CLEC4A: variants seen among roughly 807,000 people sequenced by gnomAD.
CLEC4A encodes C-type lectin domain family 4 member A.
Under a neutral mutation model 32.7 loss-of-function variants are expected in CLEC4A, and 27 were observed. The observed-to-expected ratio is 0.83, with a 90% CI of 0.61 to 1.14. The LOEUF (loss-of-function observed/expected upper bound fraction) is 1.14. Among genes scored for constraint, CLEC4A ranks in the 50% most tolerant of loss-of-function variants. The pLI, the probability that CLEC4A is intolerant of heterozygous loss-of-function variation, is 0.00. For synonymous variants in CLEC4A, 89 were observed against 93.7 expected (o/e 0.95, Z 0.29); for missense variants, 253 against 274.6 (o/e 0.92, Z 0.55).
chr12:8,137,438 C>T (rs1337877998), intron 5 of CLEC4A, among the ~76,000 whole-genome samples: 3 of 152,034 alleles, frequency 2.0e-5, no homozygotes, highest in Non-Finnish European at 4.4e-5. Context: ...GCCACCACAC[C>T]CAGTCAGGCT....
At chr12:8,137,720 T>C (rs1948148353) in intron 5 of CLEC4A, among the ~76,000 whole-genome samples, 1 of 152,026 alleles carries the variant, frequency 6.6e-6, no homozygotes, top group Admixed American at 6.6e-5. Context: ...AAGTAGAAGA[T>C]TCAAAAGATT....
chr12:8,136,961 G>A, intron 5 of CLEC4A, 58 bp downstream of exon 5: 1 of 1,136,432 alleles, frequency 8.8e-7, no homozygotes, highest in Non-Finnish European at 1.3e-6. Flanking sequence ...AGAGCTTAGG[G>A]TATTCTAGCT....
the CLEC4A span, among the ~76,000 whole-genome samples, chr12:8,116,308 C>T: frequency 6.6e-6 from 1 of 151,970 alleles, no homozygotes; most frequent in Non-Finnish European, 1.5e-5. Context: ...CACTATGTTG[C>T]CCAGGCTGGT....
chr12:8,133,281 C>T (rs1416073600), intron 3 of CLEC4A, among the ~76,000 whole-genome samples: 1 of 151,870 alleles, frequency 6.6e-6, no homozygotes, highest in Non-Finnish European at 1.5e-5. Flanking sequence ...GAACTCCCGA[C>T]CACAGGTGAT....
At chr12:8,137,849 C>T (rs953338405) in intron 5 of CLEC4A, among the ~76,000 whole-genome samples, 1 of 152,046 alleles carries the variant, frequency 6.6e-6, no homozygotes, top group Admixed American at 6.6e-5. Context: ...TTGATGGACC[C>T]ATAGGAACAG....
chr12:8,134,869 C>T (rs1388561525), intron 3 of CLEC4A: 5 of 1,514,780 alleles, frequency 3.3e-6, no homozygotes, highest in Non-Finnish European at 4.4e-6. Flanking sequence ...GAAGGCGCCC[C>T]AAGCATGGTG....
chr12:8,138,318 A>G lies in CLEC4A; in HGVS notation c.*31A>G, dbSNP rs1408100353. ...ACATTCTCCATGAACAGGTGGTTGGATTGGTATCTGTCATTGTAGGGATAG... is the reference window on the plus strand; with the variant it reads ...ACATTCTCCATGAACAGGTGGTTGGGTTGGTATCTGTCATTGTAGGGATAG... On this transcript the variant is annotated 3_prime_UTR_variant, in exon 6 of 6. Coordinates refer to ENST00000229332, the MANE Select transcript of CLEC4A (RefSeq NM_016184.4). 1.2e-6 allele frequency: 2 copies of G among 1,613,150 alleles called. No homozygotes were observed. The highest frequency in any genetic ancestry group is 1.7e-6 in the Non-Finnish European group (2 of 1,179,328).
the CLEC4A span, among the ~76,000 whole-genome samples, chr12:8,105,401 G>A: frequency 1.3e-5 from 2 of 150,970 alleles, no homozygotes; most frequent in Non-Finnish European, 2.9e-5. Context: ...CCAGGCTGGA[G>A]TGCAATGGCA....
Position 8,134,979 on chromosome 12 carries a change from G to GTTTGTT in CLEC4A, c.299-603_299-602insGTTTTT, listed in dbSNP as rs1948073595. 2.0e-4 allele frequency: 33 copies of GTTTGTT among 165,964 alleles called. 1 individual carries two copies. Among genetic ancestry groups the GTTTGTT allele is most frequent in the African/African-American group, 2.9e-4 (4 of 13,812 alleles). The allele number at this position is 165,964 out of a possible 1,614,324, so 10.3% of individuals were successfully genotyped here. On this transcript the variant is annotated intron_variant, in intron 3 of 5. Coordinates refer to ENST00000229332, the MANE Select transcript of CLEC4A (RefSeq NM_016184.4). ...TGTATCTTCTTGTTGAAGCGTTTTT[G>GTTTGTT]TTTTTTGTTTTTTTTTAATCATGGC...
intron 1 of CLEC4A, 152 bp downstream of exon 1, chr12:8,124,112 A>G (rs1026750656): frequency 1.6e-6 from 1 of 627,706 alleles, no homozygotes; most frequent in Admixed American, 2.7e-5. Context: ...TGGCCTGCAG[A>G]TACGCATTAC....
intron 2 of CLEC4A, among the ~76,000 whole-genome samples, chr12:8,128,497 G>C (rs1259481504): frequency 6.7e-6 from 1 of 150,056 alleles, no homozygotes; most frequent in Admixed American, 6.7e-5. Context: ...CGCAACCTCC[G>C]CCTCCCAGGT....
At chr12:8,117,618 A>G in the CLEC4A span, among the ~76,000 whole-genome samples, 1 of 152,034 alleles carries the variant, frequency 6.6e-6, no homozygotes, top group Non-Finnish European at 1.5e-5. Flanking sequence ...CTATTTTGTC[A>G]TTGCATGGCA....
At chr12:8,126,354 A>C (rs1947901757) in intron 2 of CLEC4A, among the ~76,000 whole-genome samples, 1 of 147,894 alleles carries the variant, frequency 6.8e-6, no homozygotes, top group Admixed American at 6.8e-5. Flanking sequence ...ACAGGTGTGC[A>C]TCACTATGCT....
upstream of CLEC4A, among the ~76,000 whole-genome samples, chr12:8,122,449 T>G (rs1947840992): frequency 6.5e-5 from 8 of 122,140 alleles, no homozygotes; most frequent in South Asian, 5.9e-4. Flanking sequence ...GTGAGGGGGA[T>G]GTTTGTTGGG....
At chr12:8,112,971 T>A in the CLEC4A span, among the ~76,000 whole-genome samples, 68 of 152,188 alleles carry the variant, frequency 4.5e-4, no homozygotes, top group South Asian at 1.7e-3. Context: ...CATTTTTTTT[T>A]ATTTTATTAT....
chr12:8,135,318 C>T (rs1948093828), intron 3 of CLEC4A, among the ~76,000 whole-genome samples: 1 of 151,896 alleles, frequency 6.6e-6, no homozygotes, highest in Admixed American at 6.6e-5. Context: ...TTCTCAGAGT[C>T]TGGATCTTAT....
At chr12:8,138,050 T>G (rs112761093) in intron 5 of CLEC4A, 90 bp from the exon 6 acceptor site, 20 of 1,413,472 alleles carry the variant, frequency 1.4e-5, no homozygotes, top group Non-Finnish European at 1.7e-5. Context: ...CTATGTTCCA[T>G]GAAATTCATC....
chr12:8,112,582 C>CT, the CLEC4A span, among the ~76,000 whole-genome samples: 5 of 150,728 alleles, frequency 3.3e-5, no homozygotes, highest in South Asian at 2.1e-4. Context: ...TATTTACTAT[C>CT]TTTTTTTTTC....
chr12:8,105,370 A>G, the CLEC4A span, among the ~76,000 whole-genome samples: 4 of 146,538 alleles, frequency 2.7e-5, no homozygotes, highest in African/African-American at 7.6e-5. Context: ...TTTTTTTAAG[A>G]TGGAGTTTCG....
Sources: allele counts gnomAD v4.1 joint callset (sites outside exome capture counted in the v4.1 genomes callset), GRCh38; gene constraint gnomAD v4.1.1; transcripts MANE v1.5; gene names NCBI Gene and HGNC (gene_info 2026-07-23, HGNC 2026-07-21).